Variants in DPP10 observed in about 807,000 individuals in gnomAD.
The protein encoded by DPP10 is dipeptidyl peptidase like 10.
DPP10 carries 33 observed loss-of-function variants against 120.9 expected under a neutral mutation model. The observed-to-expected ratio is 0.27, with a 90% CI of 0.21 to 0.37. The LOEUF is 0.37. Ranked by LOEUF, DPP10 falls within the 10% of genes least tolerant of loss-of-function variation. DPP10 has a pLI of 1.00. For synonymous variants in DPP10, 337 were observed against 326.1 expected (o/e 1.03, Z -0.36); for missense variants, 816 against 942.8 (o/e 0.87, Z 1.76).
At chr2:115,163,837 GCAGA>G (rs1312710760) in intron 1 of DPP10, among the ~76,000 whole-genome samples, 10 of 145,026 alleles carry the variant, frequency 6.9e-5, no homozygotes, top group African/African-American at 2.7e-4. Context: ...GGATGCAGAA[GCAGA>G]GCAGAGCAGA....
chr2:114,676,646 A>G (rs1468810681), intron 1 of DPP10, among the ~76,000 whole-genome samples: 1 of 152,140 alleles, frequency 6.6e-6, no homozygotes, highest in Non-Finnish European at 1.5e-5. Context: ...TATGACTGGA[A>G]CAAGGCTTAA....
At chr2:115,483,196 C>T (rs761908890) in intron 3 of DPP10, among the ~76,000 whole-genome samples, 3 of 152,026 alleles carry the variant, frequency 2.0e-5, no homozygotes, top group Non-Finnish European at 2.9e-5. Context: ...TTATTGGATA[C>T]ATACTCTGTG....
At chr2:115,099,261 C>T (rs2048565752) in intron 1 of DPP10, among the ~76,000 whole-genome samples, 1 of 152,112 alleles carries the variant, frequency 6.6e-6, no homozygotes, top group Non-Finnish European at 1.5e-5. Context: ...TTGCTGCGAG[C>T]CAAGGTTGTG....
chr2:114,478,051 G>A (rs1680676901), intron 1 of DPP10, among the ~76,000 whole-genome samples: 1 of 151,270 alleles, frequency 6.6e-6, no homozygotes, highest in Admixed American at 6.6e-5. Flanking sequence ...CTAAATTTAG[G>A]CAGCTAAAAA....
chr2:115,755,300 A>G (rs1679257559), intron 11 of DPP10, among the ~76,000 whole-genome samples: 1 of 152,160 alleles, frequency 6.6e-6, no homozygotes, highest in Non-Finnish European at 1.5e-5. Flanking sequence ...CTAAAATTTC[A>G]GGAACTGAAA....
intron 3 of DPP10, among the ~76,000 whole-genome samples, chr2:115,409,309 AATT>A (rs1271640731): frequency 6.6e-6 from 1 of 152,190 alleles, no homozygotes; most frequent in Non-Finnish European, 1.5e-5. Context: ...CAAAAAAATG[AATT>A]ATTAGGAGAC....
intron 5 of DPP10, among the ~76,000 whole-genome samples, chr2:115,549,937 C>A (rs188539982): frequency 6.6e-6 from 1 of 152,086 alleles, no homozygotes; most frequent in Admixed American, 6.6e-5. Flanking sequence ...CTGCAATGCC[C>A]TTTTTCCCAC....
At chr2:115,369,444 T>G (rs1235410774) in intron 3 of DPP10, among the ~76,000 whole-genome samples, 1 of 152,088 alleles carries the variant, frequency 6.6e-6, no homozygotes, top group Non-Finnish European at 1.5e-5. Context: ...TTTGTAGTTA[T>G]GATTACTTAA....
At chr2:115,764,292 T>C (rs1037715857) in intron 12 of DPP10, among the ~76,000 whole-genome samples, 1 of 152,128 alleles carries the variant, frequency 6.6e-6, no homozygotes, top group Non-Finnish European at 1.5e-5. Flanking sequence ...TATAAATAAT[T>C]GTTTGTCTGA....
In DPP10 at chr2:115,085,714, TTTAGCCCAG is replaced by T. The variant is rs1708637404; in HGVS notation, c.61-223523_61-223515del. ...TACATATCTCATTTAACTCAGCCTT[TTTAGCCCAG>T]TCCTATTATAGTGCTGTTTGTTCCA... On this transcript the variant is annotated intron_variant, in intron 1 of 25. Coordinates refer to ENST00000410059, the MANE Select transcript of DPP10 (RefSeq NM_020868.6). Among the ~76,000 whole-genome samples, 3 of 152,204 alleles carry T rather than the reference TTTAGCCCAG, an allele frequency of 2.0e-5. No individual in the cohort carries two copies. In the East Asian group the frequency reaches 5.8e-4, roughly 29 times the overall value.
intron 1 of DPP10, among the ~76,000 whole-genome samples, chr2:114,793,518 A>G (rs1449424340): frequency 1.3e-5 from 2 of 152,164 alleles, no homozygotes; most frequent in Non-Finnish European, 2.9e-5. Context: ...TCACCTAAAA[A>G]ACAGATATTA....
intron 1 of DPP10, among the ~76,000 whole-genome samples, chr2:114,784,178 T>TA (rs1316042157): frequency 1.3e-5 from 2 of 152,100 alleles, no homozygotes; most frequent in Non-Finnish European, 2.9e-5. Flanking sequence ...TAGTGTCGAC[T>TA]AACCTGATCA....
intron 1 of DPP10, among the ~76,000 whole-genome samples, chr2:114,723,064 G>A (rs901784878): frequency 1.3e-5 from 2 of 152,298 alleles, no homozygotes; most frequent in Non-Finnish European, 2.9e-5. Context: ...ATGGAGGTGG[G>A]AAGTCAGACA....
At chr2:115,347,001 G>A (rs1439073479) in intron 3 of DPP10, among the ~76,000 whole-genome samples, 1 of 152,104 alleles carries the variant, frequency 6.6e-6, no homozygotes, top group Admixed American at 6.6e-5. Context: ...TCGTAGGGTG[G>A]AAAGGTATGA....
At chr2:114,448,099 G>A (rs868448830) in intron 1 of DPP10, among the ~76,000 whole-genome samples, 1 of 151,934 alleles carries the variant, frequency 6.6e-6, no homozygotes, top group Non-Finnish European at 1.5e-5. Context: ...TTAAAATGAA[G>A]CATTATAGTT....
intron 3 of DPP10, among the ~76,000 whole-genome samples, chr2:115,447,892 A>G (rs1291970814): frequency 2.0e-5 from 3 of 152,248 alleles, no homozygotes; most frequent in Admixed American, 1.3e-4. Flanking sequence ...ATTCTTGGGT[A>G]GGATGGCAGT....
intron 2 of DPP10, chr2:115,342,059 C>T (rs1415994475): frequency 1.6e-5 from 7 of 428,460 alleles, no homozygotes; most frequent in South Asian, 8.5e-5. Flanking sequence ...TGCATTCTTA[C>T]CCAGGAATTA....
intron 1 of DPP10, among the ~76,000 whole-genome samples, chr2:115,105,097 A>G (rs2048882827): frequency 6.6e-6 from 1 of 152,222 alleles, no homozygotes; most frequent in Non-Finnish European, 1.5e-5. Flanking sequence ...AGTTTGCCAA[A>G]GATGACTCAC....
rs540963792 is a variant in DPP10 at position 115,728,018 on chromosome 2, G to A, written c.697+82G>A. ...CTACCAAAAAAAATCTATTCATTCC[G>A]GAGCAATACTTACAGTACAGTTTCT... On this transcript the variant is annotated intron_variant, in intron 8 of 25. Transcript: ENST00000410059. 3.0e-4 allele frequency: 444 copies of A among 1,457,652 alleles called. 1 individual carries two copies. Among genetic ancestry groups the A allele is most frequent in the South Asian group, 1.0e-3 (78 of 77,448 alleles). 90.3% of individuals were successfully genotyped at this position (1,457,652 alleles called of 1,614,324 possible). A position where few individuals can be genotyped will look rare whatever the true frequency, so the allele number is the denominator to read the frequency against.
Sources: gnomAD v4.1 joint callset for allele counts (sites outside exome capture counted in the v4.1 genomes callset) on GRCh38, gnomAD v4.1.1 for gene constraint, MANE v1.5 for transcripts, NCBI Gene and HGNC (gene_info 2026-07-23, HGNC 2026-07-21) for gene names.